The following COL6A6 variants were observed in gnomAD, a reference collection of about 807,000 sequenced individuals.
COL6A6 encodes the protein collagen alpha-6(VI) chain.
A neutral mutation model predicts 208.6 loss-of-function variants in COL6A6; 183 were observed. The ratio of observed to expected loss-of-function variants is 0.88; its 90% CI spans 0.78 to 0.99. The LOEUF is 0.99. Ranked by LOEUF, COL6A6 falls within the 50% of genes least tolerant of loss-of-function variation. COL6A6 has a pLI of 0.00. For missense variants in COL6A6, 2,816 were observed against 2,815.2 expected (o/e 1.00, Z -0.01); for synonymous variants, 973 against 1,011.8 (o/e 0.96, Z 0.73).
intron 2 of COL6A6, among the ~76,000 whole-genome samples, chr3:130,560,797 T>G (rs376063486): frequency 2.1e-4 from 32 of 152,352 alleles, no homozygotes; most frequent in African/African-American, 7.5e-4. Flanking sequence ...GTGTCCAGAT[T>G]TGCTCCAGAT....
chr3:130,581,490 C>T (rs2063418710), intron 8 of COL6A6, 71 bp from the exon 9 acceptor site: 1 of 1,102,202 alleles, frequency 9.1e-7, no homozygotes, highest in South Asian at 1.7e-5. Context: ...TCCCTTGATT[C>T]AGACATGGTG....
At chr3:130,627,178 T>G in intron 25 of COL6A6, 141 bp from the exon 26 acceptor site, 1 of 668,168 alleles carries the variant, frequency 1.5e-6, no homozygotes, top group Non-Finnish European at 2.7e-6. Context: ...CATAAAATGT[T>G]GGTGGCCTGC....
At chr3:130,553,476 G>A (rs1169165609) in intron 1 of COL6A6, among the ~76,000 whole-genome samples, 4 of 152,180 alleles carry the variant, frequency 2.6e-5, no homozygotes, top group Admixed American at 2.6e-4. Flanking sequence ...AATTCCTAAA[G>A]TGAGTTTTTC....
At chr3:130,615,615 A>T (rs2064493054) in intron 23 of COL6A6, among the ~76,000 whole-genome samples, 1 of 152,232 alleles carries the variant, frequency 6.6e-6, no homozygotes, top group South Asian at 2.1e-4. Flanking sequence ...TAAAAACTTT[A>T]AAATGTCATG....
intron 1 of COL6A6, among the ~76,000 whole-genome samples, chr3:130,537,472 C>T (rs571305706): frequency 5.3e-5 from 8 of 152,172 alleles, no homozygotes; most frequent in Non-Finnish European, 1.2e-4. Context: ...TTAGTTTGCT[C>T]AATGCAAGGT....
intron 10 of COL6A6, 29 bp from the exon 11 acceptor site, chr3:130,586,477 C>T: frequency 6.3e-7 from 1 of 1,584,732 alleles, no homozygotes; most frequent in Non-Finnish European, 8.6e-7. Context: ...ACCCACCTCA[C>T]CTGGAACATT....
intron 1 of COL6A6, among the ~76,000 whole-genome samples, chr3:130,552,930 T>C (rs890767071): frequency 6.6e-6 from 1 of 152,226 alleles, no homozygotes; most frequent in African/African-American, 2.4e-5. Context: ...AATATGAAAT[T>C]CTTGGTTGGA....
chr3:130,626,435 G>A (rs988864379), intron 24 of COL6A6, 50 bp from the exon 25 acceptor site: 2 of 1,272,366 alleles, frequency 1.6e-6, no homozygotes, highest in African/African-American at 2.9e-5. Context: ...AGCTGAATTA[G>A]TGCCATCATT....
Position 130,641,645 on chromosome 3 carries a change from CT to C in COL6A6, c.5092-4del. The C allele has an allele frequency of 6.5e-7, 1 of 1,539,178 alleles. No individual in the cohort carries two copies. Among genetic ancestry groups the C allele is most frequent in the Non-Finnish European group, 8.9e-7 (1 of 1,118,444 alleles). ...AAATACAATTTTAAAATAAATTCTC[CT>C]TTGAGATATCTGCTGGGCTTCCAGG... is the stretch of plus-strand genomic sequence containing the variant. On this transcript the variant is annotated splice_polypyrimidine_tract_variant and splice_region_variant and intron_variant, in intron 28 of 36. Coordinates refer to ENST00000358511, the MANE Select transcript of COL6A6 (RefSeq NM_001102608.3).
intron 1 of COL6A6, among the ~76,000 whole-genome samples, chr3:130,519,866 C>G (rs1478087417): frequency 6.6e-6 from 1 of 152,056 alleles, no homozygotes; most frequent in Non-Finnish European, 1.5e-5. Flanking sequence ...ACTATTGAGC[C>G]CAATTTTATC....
chr3:130,550,293 A>G (rs962259761), intron 1 of COL6A6, among the ~76,000 whole-genome samples: 5 of 152,068 alleles, frequency 3.3e-5, no homozygotes, highest in Non-Finnish European at 5.9e-5. Context: ...AATGCTTTTT[A>G]TTTCTTTCTC....
Position 130,606,967 on chromosome 3 carries a change from G to T in COL6A6, c.4689+1G>T, listed in dbSNP as rs533837767. The T allele has an allele frequency of 1.5e-5, 24 of 1,606,432 alleles. No individual in the cohort carries two copies. The African/African-American group carries it at 3.1e-4, about 21-fold the overall frequency. ...CAGAAGGGGACATACAGGCCCACAG[G>T]TACAATGATTTTTCCCCTTAACTCC... On this transcript the variant is annotated splice_donor_variant, in intron 21 of 36. Transcript: ENST00000358511. LOFTEE classifies it high-confidence loss of function.
intron 1 of COL6A6, among the ~76,000 whole-genome samples, chr3:130,547,728 T>TGGCC (rs2107785041): frequency 6.6e-6 from 1 of 152,388 alleles, no homozygotes; most frequent in South Asian, 2.1e-4. Flanking sequence ...CTACTTACAT[T>TGGCC]GGCCATCTGT....
intron 3 of COL6A6, 74 bp downstream of exon 3, chr3:130,563,738 T>C: frequency 9.9e-7 from 1 of 1,006,246 alleles, no homozygotes; most frequent in Non-Finnish European, 1.5e-6. Flanking sequence ...AGGATTGAAA[T>C]TCTATGAATA....
At chr3:130,596,087 C>T (rs532224305) in intron 18 of COL6A6, among the ~76,000 whole-genome samples, 1 of 151,982 alleles carries the variant, frequency 6.6e-6, no homozygotes, top group African/African-American at 2.4e-5. Context: ...GAATTTGATG[C>T]AATATATATG....
At position 130,563,167 on chromosome 3, in the gene COL6A6, G is replaced by A. The variant is rs2062933279; in HGVS notation, c.164G>A (p.Ser55Asn). 1 of 1,613,862 alleles carries A rather than the reference G, an allele frequency of 6.2e-7. No homozygotes were observed. The highest frequency in any genetic ancestry group is 1.7e-5 in the Admixed American group (1 of 60,010). ...AAAATGTTCATCACCAAAATGATCA[G>A]CAGTCTCCCCATAGAGGCCGACAAA... ...FVKMFITKMI[S>N]SLPIEADKYR... The change falls in exon 3 of 37, where the codon AGC becomes AAC. Residue 55 changes from serine to asparagine, a missense_variant. Physicochemically the swap from Ser to Asn is conservative, Grantham distance 46. Coordinates refer to ENST00000358511, the MANE Select transcript of COL6A6 (RefSeq NM_001102608.3).
chr3:130,619,310 C>A (rs1178802088), intron 23 of COL6A6, among the ~76,000 whole-genome samples: 1 of 152,010 alleles, frequency 6.6e-6, no homozygotes, highest in Non-Finnish European at 1.5e-5. Context: ...TAGGATTTTT[C>A]AGAGGAGGGA....
At chr3:130,605,795 G>A (rs1229689202) in intron 20 of COL6A6, among the ~76,000 whole-genome samples, 1 of 152,194 alleles carries the variant, frequency 6.6e-6, no homozygotes, top group Non-Finnish European at 1.5e-5. Context: ...TGTGGCTGGG[G>A]AGGCCCCACA....
Position 130,676,996 on chromosome 3 carries a change from G to C in COL6A6, c.*1599G>C, listed in dbSNP as rs2066375355. On this transcript the variant is annotated 3_prime_UTR_variant, in exon 37 of 37. Coordinates refer to ENST00000358511, the MANE Select transcript of COL6A6 (RefSeq NM_001102608.3). ...TAATTGTTGGAAATACCATTAAGAT[G>C]TATTTGTCTGTTTTTCTGCATTGGC... 1.3e-5 allele frequency: 2 copies of C among 152,220 alleles called. No homozygotes were observed. Among genetic ancestry groups the C allele is most frequent in the Non-Finnish European group, 2.9e-5 (2 of 68,028 alleles). 9.4% of individuals were successfully genotyped at this position (152,220 alleles called of 1,614,324 possible). A position where few individuals can be genotyped will look rare whatever the true frequency, so the allele number is the denominator to read the frequency against.
Sources: allele counts gnomAD v4.1 joint callset (sites outside exome capture counted in the v4.1 genomes callset), GRCh38; gene constraint gnomAD v4.1.1; transcripts MANE v1.5; gene names NCBI Gene and HGNC (gene_info 2026-07-23, HGNC 2026-07-21).